Variants in TNR observed in about 807,000 individuals in gnomAD.
TNR encodes tenascin R.
Under a neutral mutation model 150.4 loss-of-function variants are expected in TNR, and 45 were observed. The ratio of observed to expected loss-of-function variants is 0.30; its 90% CI spans 0.24 to 0.38. TNR has a LOEUF of 0.38. Among genes scored for constraint, TNR ranks in the 10% least tolerant of loss-of-function variants. The pLI, the probability that TNR is intolerant of heterozygous loss-of-function variation, is 1.00. For missense variants in TNR, 1,544 were observed against 1,759.1 expected (o/e 0.88, Z 2.19); for synonymous variants, 687 against 678.4 (o/e 1.01, Z -0.20).
In TNR at chr1:175,689,346, ACCG is replaced by A; in HGVS notation, c.-165+53877_-165+53879del. 1.3e-5 allele frequency among the ~76,000 whole-genome samples: 2 copies of A among 152,018 alleles called. 1 individual carries two copies. Among genetic ancestry groups the A allele is most frequent in the Middle Eastern group, 6.8e-3 (2 of 294 alleles). ...TTCCACAGGGATACCAGGTAGCATG[ACCG>A]AATACCTTAATCTACCCCAGGTTTT... On this transcript the variant is annotated intron_variant, in intron 1 of 22. Coordinates refer to ENST00000367674, the MANE Select transcript of TNR (RefSeq NM_003285.3).
intron 20 of TNR, among the ~76,000 whole-genome samples, chr1:175,332,955 G>C (rs1650021185): frequency 6.6e-6 from 1 of 152,200 alleles, no homozygotes; most frequent in Non-Finnish European, 1.5e-5. Context: ...TTTAATCTCA[G>C]TCTTTTGTAA....
chr1:175,384,013 T>C (rs1652807210), intron 8 of TNR, among the ~76,000 whole-genome samples: 1 of 152,212 alleles, frequency 6.6e-6, no homozygotes, highest in African/African-American at 2.4e-5. Flanking sequence ...AATGTAATTG[T>C]CTTGATCAGA....
intron 1 of TNR, among the ~76,000 whole-genome samples, chr1:175,720,936 C>T (rs868039509): frequency 7.2e-5 from 11 of 152,202 alleles, no homozygotes; most frequent in Admixed American, 1.3e-4. Context: ...TGAGATTTTA[C>T]GCCACACTGA....
At chr1:175,363,178 A>C (rs1188872680) in intron 13 of TNR, among the ~76,000 whole-genome samples, 1 of 152,184 alleles carries the variant, frequency 6.6e-6, no homozygotes, top group Non-Finnish European at 1.5e-5. Flanking sequence ...ACTGGAAGTG[A>C]GTGTGCCCTC....
intron 1 of TNR, among the ~76,000 whole-genome samples, chr1:175,710,780 A>G (rs566367396): frequency 6.6e-6 from 1 of 152,226 alleles, no homozygotes; most frequent in East Asian, 1.9e-4. Flanking sequence ...ATCATTGCCA[A>G]ACTAATTTTC....
intron 1 of TNR, among the ~76,000 whole-genome samples, chr1:175,584,763 G>T (rs1416687130): frequency 6.6e-6 from 1 of 152,048 alleles, no homozygotes; most frequent in Non-Finnish European, 1.5e-5. Flanking sequence ...ATAACAGGAA[G>T]TTCTCAATAT....
rs144057096 is a variant in TNR at position 175,460,984 on chromosome 1, T to C, written c.-63-54207A>G. Among the ~76,000 whole-genome samples, 552 of 152,300 alleles carry C rather than the reference T, an allele frequency of 3.6e-3. 4 individuals are homozygous for C. The highest frequency in any genetic ancestry group is 0.012 in the African/African-American group (515 of 41,560). ...TTATGGGTGTGCACACATACACACA[T>C]GTATGTGCACACACTGATGCATGCT... On this transcript the variant is annotated intron_variant, in intron 2 of 22. Coordinates refer to ENST00000367674, the MANE Select transcript of TNR (RefSeq NM_003285.3).
intron 13 of TNR, 84 bp downstream of exon 13, chr1:175,363,624 G>A (rs1316861430): frequency 2.6e-6 from 4 of 1,518,408 alleles, no homozygotes; most frequent in African/African-American, 2.8e-5. Context: ...GCAGGCAGGA[G>A]TGGATGTTCT....
chr1:175,695,437 A>G (rs956680959), intron 1 of TNR, among the ~76,000 whole-genome samples: 4,235 of 152,334 alleles, frequency 0.028, 189 homozygotes, highest in African/African-American at 0.096. Flanking sequence ...TCCCTGACCC[A>G]CAGAAACTAT....
intron 2 of TNR, among the ~76,000 whole-genome samples, chr1:175,419,027 G>A (rs765072271): frequency 2.6e-5 from 4 of 152,040 alleles, no homozygotes; most frequent in Non-Finnish European, 4.4e-5. Context: ...TTTTCTTATC[G>A]CTTATCTTAT....
intron 1 of TNR, among the ~76,000 whole-genome samples, chr1:175,588,623 T>C (rs1662672504): frequency 6.6e-6 from 1 of 152,178 alleles, no homozygotes; most frequent in Non-Finnish European, 1.5e-5. Flanking sequence ...GCTGCTCTGG[T>C]TGAAGCATGT....
intron 1 of TNR, among the ~76,000 whole-genome samples, chr1:175,635,960 A>G (rs185474121): frequency 6.6e-6 from 1 of 152,334 alleles, no homozygotes; most frequent in Admixed American, 6.5e-5. Flanking sequence ...GCTATTTATT[A>G]CATGTAACTG....
At chr1:175,649,701 GCTGCTCCTAA>G in intron 1 of TNR, among the ~76,000 whole-genome samples, 1 of 152,232 alleles carries the variant, frequency 6.6e-6, no homozygotes, top group Non-Finnish European at 1.5e-5. Flanking sequence ...CTCCCCTGAA[GCTGCTCCTAA>G]CTGCCATCCC....
intron 18 of TNR, among the ~76,000 whole-genome samples, chr1:175,340,581 T>C (rs934987414): frequency 2.0e-5 from 3 of 152,230 alleles, no homozygotes; most frequent in Non-Finnish European, 4.4e-5. Flanking sequence ...TGGGACCTTA[T>C]TAAAATTCAG....
intron 1 of TNR, among the ~76,000 whole-genome samples, chr1:175,732,282 C>T (rs763309009): frequency 5.9e-5 from 9 of 152,090 alleles, no homozygotes; most frequent in Non-Finnish European, 1.2e-4. Flanking sequence ...AAGAAGTGGC[C>T]CACAAGTGGA....
chr1:175,487,469 C>A (rs1239588662), intron 2 of TNR, among the ~76,000 whole-genome samples: 1 of 152,208 alleles, frequency 6.6e-6, no homozygotes, highest in East Asian at 1.9e-4. Flanking sequence ...CACTGCTTGC[C>A]TTCTTCCTTC....
chr1:175,429,888 G>A (rs970090955), intron 2 of TNR, among the ~76,000 whole-genome samples: 4 of 152,058 alleles, frequency 2.6e-5, no homozygotes, highest in African/African-American at 4.8e-5. Flanking sequence ...AGTGATATGC[G>A]TGTCTTTACT....
intron 9 of TNR, among the ~76,000 whole-genome samples, chr1:175,367,829 G>A (rs186872632): frequency 2.0e-4 from 31 of 152,242 alleles, no homozygotes; most frequent in Middle Eastern, 3.4e-3. Context: ...CTAAGCACAG[G>A]GCTGTCGAGT....
intron 18 of TNR, among the ~76,000 whole-genome samples, chr1:175,347,804 G>A (rs1161556778): frequency 6.6e-6 from 1 of 152,028 alleles, no homozygotes; most frequent in African/African-American, 2.4e-5. Flanking sequence ...CAAAGATTAT[G>A]CAACATGATA....
Sources: gnomAD v4.1 joint callset for allele counts (sites outside exome capture counted in the v4.1 genomes callset) on GRCh38, gnomAD v4.1.1 for gene constraint, MANE v1.5 for transcripts, NCBI Gene and HGNC (gene_info 2026-07-23, HGNC 2026-07-21) for gene names.